MS4A15: variants seen among roughly 807,000 people sequenced by gnomAD.
MS4A15 encodes membrane spanning 4-domains A15.
Under a neutral mutation model 20.6 loss-of-function variants are expected in MS4A15, and 22 were observed. The observed-to-expected ratio is 1.07, with a 90% CI of 0.76 to 1.52. MS4A15 has a LOEUF of 1.52. MS4A15 is among the 40% of genes most tolerant of loss of function. MS4A15 has a pLI of 0.00. For synonymous variants in MS4A15, 129 were observed against 129.3 expected, an observed-to-expected ratio of 1.00 and a Z score of 0.02; for missense variants, 312 against 323.0, an observed-to-expected ratio of 0.97 and a Z score of 0.26.
chr11:60,765,708 A>G (rs1190326620), intron 2 of MS4A15, among the ~76,000 whole-genome samples: 1 of 152,078 alleles, frequency 6.6e-6, no homozygotes, highest in Non-Finnish European at 1.5e-5. Context: ...CTCTGGCTCA[A>G]TCATGCTGGA....
At chr11:60,757,139 A>ATG (rs1239308830) in intron 1 of MS4A15, 81 bp downstream of exon 1, 1 of 152,194 alleles carries the variant, frequency 6.6e-6, no homozygotes, top group Non-Finnish European at 1.5e-5. Context: ...TGGGTCAAGA[A>ATG]ATGACCAAAG....
chr11:60,767,491 T>C, intron 2 of MS4A15, 42 bp from the exon 3 acceptor site: 1 of 1,451,286 alleles, frequency 6.9e-7, no homozygotes, highest in Non-Finnish European at 9.1e-7. Context: ...GGGGGCGGTG[T>C]GGAACAGGGC....
chr11:60,769,434 C>T (rs1322816893), intron 3 of MS4A15, among the ~76,000 whole-genome samples: 1 of 152,036 alleles, frequency 6.6e-6, no homozygotes, highest in African/African-American at 2.4e-5. Context: ...GGCAGTCAGC[C>T]GGCATGCGGG....
At chr11:60,758,224 A>G (rs1053186373) in intron 1 of MS4A15, among the ~76,000 whole-genome samples, 1 of 151,664 alleles carries the variant, frequency 6.6e-6, no homozygotes, top group Non-Finnish European at 1.5e-5. Context: ...GTGGCCATCT[A>G]TTTCCTCAAT....
rs1390808406 is a variant in MS4A15 at position 60,769,161 on chromosome 11, G to GAAAAAAGCTTCAAAAAAA, written c.348+1506_348+1507insAAAAAAGCTTCAAAAAAA. ...TATGCCCAGTAAAGCTTCAAAAATG[G>GAAAAAAGCTTCAAAAAAA]GGGAAGGAACAAAAGCAAAAACTTG... On this transcript the variant is annotated intron_variant, in intron 3 of 6. Coordinates refer to ENST00000405633, the MANE Select transcript of MS4A15 (RefSeq NM_001098835.2). Among the ~76,000 whole-genome samples the GAAAAAAGCTTCAAAAAAA allele has an allele frequency of 1.4e-3, 216 of 152,272 alleles. 1 individual carries two copies. Among genetic ancestry groups the GAAAAAAGCTTCAAAAAAA allele is most frequent in the South Asian group, 2.5e-3 (12 of 4,814 alleles).
chr11:60,759,961 G>A (rs538234678), intron 1 of MS4A15, among the ~76,000 whole-genome samples: 5 of 152,294 alleles, frequency 3.3e-5, no homozygotes, highest in South Asian at 2.1e-4. Flanking sequence ...GGAGACCGGC[G>A]CCGGTGCAGT....
At chr11:60,763,317 G>A (rs1012777976) in intron 1 of MS4A15, among the ~76,000 whole-genome samples, 6 of 152,098 alleles carry the variant, frequency 3.9e-5, no homozygotes, top group African/African-American at 4.8e-5. Context: ...TCCTGGTCTC[G>A]GGGTGAAGAA....
At chr11:60,765,268 A>T (rs1354900206) in intron 2 of MS4A15, among the ~76,000 whole-genome samples, 1 of 152,188 alleles carries the variant, frequency 6.6e-6, no homozygotes, top group Non-Finnish European at 1.5e-5. Flanking sequence ...GTTGGGTTGC[A>T]GTTTGTTATG....
At position 60,767,502 on chromosome 11, in the gene MS4A15, C is replaced by G. The variant is rs1033782507; in HGVS notation, c.226-31C>G. 11 of 1,485,996 alleles carry G rather than the reference C, an allele frequency of 7.4e-6. No homozygotes were observed. In the Admixed American group the frequency reaches 2.0e-4, roughly 28 times the overall value. The allele number at this position is 1,485,996 out of a possible 1,614,324, so 92.1% of individuals were successfully genotyped here. Reference sequence around the variant, plus strand: ...GGCAGGGGGCGGTGTGGAACAGGGCCCGCGGCACTGAGCCTCGGGGCTTCC... The same window carrying G: ...GGCAGGGGGCGGTGTGGAACAGGGCGCGCGGCACTGAGCCTCGGGGCTTCC... On this transcript the variant is annotated intron_variant, in intron 2 of 6. Transcript: ENST00000405633.
chr11:60,766,634 A>T (rs537369237), intron 2 of MS4A15, among the ~76,000 whole-genome samples: 51 of 152,346 alleles, frequency 3.3e-4, no homozygotes, highest in African/African-American at 1.2e-3. Flanking sequence ...AAGATGAAAG[A>T]CGTGTAGCTG....
At chr11:60,768,732 T>A (rs1853947208) in intron 3 of MS4A15, among the ~76,000 whole-genome samples, 1 of 152,166 alleles carries the variant, frequency 6.6e-6, no homozygotes, top group Non-Finnish European at 1.5e-5. Context: ...GCATGGTGAG[T>A]GGATTACTAA....
intron 4 of MS4A15, chr11:60,771,698 G>A (rs1441623763): frequency 1.5e-5 from 20 of 1,319,178 alleles, no homozygotes; most frequent in South Asian, 2.6e-5. Flanking sequence ...GAGAATGCAC[G>A]GAGGAGTGTG....
intron 3 of MS4A15, among the ~76,000 whole-genome samples, chr11:60,768,209 G>A (rs1306129509): frequency 6.6e-6 from 1 of 152,078 alleles, no homozygotes. Context: ...AAAAAAAAAG[G>A]GATGGAGGGC....
intron 2 of MS4A15, 81 bp downstream of exon 2, chr11:60,764,039 G>T: frequency 7.7e-7 from 1 of 1,296,060 alleles, no homozygotes; most frequent in Non-Finnish European, 1.1e-6. Flanking sequence ...TTTGGAGAGG[G>T]GAGAAGGCAG....
At chr11:60,763,035 G>A (rs1220065042) in intron 1 of MS4A15, among the ~76,000 whole-genome samples, 1 of 152,182 alleles carries the variant, frequency 6.6e-6, no homozygotes, top group East Asian at 1.9e-4. Flanking sequence ...GCGGACAGAT[G>A]CTGGGGTGGA....
chr11:60,774,699 G>A (rs1045705142), intron 6 of MS4A15, among the ~76,000 whole-genome samples: 2 of 152,242 alleles, frequency 1.3e-5, no homozygotes, highest in Non-Finnish European at 2.9e-5. Flanking sequence ...ATGGAGGACA[G>A]TGATGACAGA....
At chr11:60,773,594 C>T in intron 5 of MS4A15, 110 bp downstream of exon 5, 2 of 966,490 alleles carry the variant, frequency 2.1e-6, no homozygotes, top group Non-Finnish European at 1.6e-6. Context: ...GCAGGGCCTG[C>T]CAGTCCCTAT....
chr11:60,773,659 G>T (rs1234912250), intron 5 of MS4A15, among the ~76,000 whole-genome samples, 175 bp downstream of exon 5: 6 of 152,182 alleles, frequency 3.9e-5, no homozygotes, highest in Admixed American at 2.6e-4. Flanking sequence ...GCATCAGAAG[G>T]AGCAAGGAGG....
chr11:60,767,588 T>C lies in MS4A15; in HGVS notation c.281T>C (p.Met94Thr). 1 of 1,556,716 alleles carries C rather than the reference T, an allele frequency of 6.4e-7. No individual in the cohort carries two copies. The highest frequency in any genetic ancestry group is 8.7e-7 in the Non-Finnish European group (1 of 1,149,486). The change falls in exon 3 of 7, where the codon ATG becomes ACG. Residue 94 changes from methionine to threonine, a missense_variant. By Grantham distance (81) the Met-to-Thr change is moderately conservative. Transcript: ENST00000405633. The part of the protein sequence containing the change: ...IHLGFGSVLL[M>T]VRRGHVGIFF... ...CTAGGCTTTGGCAGCGTGCTGCTCATGGTTCGCCGCGGCCACGTGGGCATC... is the reference window on the plus strand; with the variant it reads ...CTAGGCTTTGGCAGCGTGCTGCTCACGGTTCGCCGCGGCCACGTGGGCATC...
Sources: allele counts gnomAD v4.1 joint callset (sites outside exome capture counted in the v4.1 genomes callset), GRCh38; gene constraint gnomAD v4.1.1; transcripts MANE v1.5; gene names NCBI Gene and HGNC (gene_info 2026-07-23, HGNC 2026-07-21).